Variants in ELSPBP1 observed in about 807,000 individuals in gnomAD.
The protein encoded by ELSPBP1 is epididymal sperm binding protein 1.
Under a neutral mutation model 33.3 loss-of-function variants are expected in ELSPBP1, and 38 were observed. That is an observed-to-expected ratio of 1.14 (90% confidence interval 0.88 to 1.50). The LOEUF (loss-of-function observed/expected upper bound fraction) is 1.50. ELSPBP1 is among the 40% of genes most tolerant of loss of function. The pLI, the probability that ELSPBP1 is intolerant of heterozygous loss-of-function variation, is 0.00. For missense variants in ELSPBP1, 267 were observed against 263.5 expected, an observed-to-expected ratio of 1.01 and a Z score of -0.09; for synonymous variants, 85 against 94.1, an observed-to-expected ratio of 0.90 and a Z score of 0.56.
intron 3 of ELSPBP1, among the ~76,000 whole-genome samples, chr19:48,014,740 T>C (rs1482484987): frequency 6.7e-6 from 1 of 149,880 alleles, no homozygotes; most frequent in Non-Finnish European, 1.5e-5. Context: ...TTACTGTTTT[T>C]AATTTCCACA....
intron 1 of ELSPBP1, among the ~76,000 whole-genome samples, chr19:48,003,886 C>CTTCTATTCTATTCTATTCTATTCTA (rs56297495): frequency 8.8e-6 from 1 of 114,188 alleles, no homozygotes; most frequent in Non-Finnish European, 1.7e-5. Flanking sequence ...CTTCTGGTTG[C>CTTCTATTCTATTCTATTCTATTCTA]TTCTATTCTA....
chr19:48,020,032 A>G (rs1967183341), intron 5 of ELSPBP1, among the ~76,000 whole-genome samples, 155 bp downstream of exon 5: 1 of 152,170 alleles, frequency 6.6e-6, no homozygotes, highest in African/African-American at 2.4e-5. Context: ...CTCACGAATA[A>G]TGTCAATGAT....
chr19:47,998,951 A>C (rs1020286626), intron 1 of ELSPBP1, among the ~76,000 whole-genome samples: 1 of 152,180 alleles, frequency 6.6e-6, no homozygotes, highest in African/African-American at 2.4e-5. Flanking sequence ...GCCCACCCTA[A>C]GGGGAAAAAT....
intron 1 of ELSPBP1, among the ~76,000 whole-genome samples, chr19:48,006,529 G>T (rs943154231): frequency 6.7e-6 from 1 of 149,140 alleles, no homozygotes; most frequent in African/African-American, 2.5e-5. Context: ...CAGGAGAATC[G>T]CTTGAGCCTG....
chr19:48,017,313 C>G (rs1046323824), intron 4 of ELSPBP1, among the ~76,000 whole-genome samples: 4 of 152,156 alleles, frequency 2.6e-5, no homozygotes, highest in Admixed American at 6.5e-5. Flanking sequence ...CTAATTCCAT[C>G]TAAACCTTAA....
chr19:47,998,062 C>T (rs1966927790), intron 1 of ELSPBP1, among the ~76,000 whole-genome samples: 1 of 152,116 alleles, frequency 6.6e-6, no homozygotes, highest in South Asian at 2.1e-4. Flanking sequence ...GCTAGTGTCA[C>T]CATCTTTTCG....
chr19:48,024,273 A>AAAGGTGGTTATTTATTTCTT (rs1967247085), intron 6 of ELSPBP1, among the ~76,000 whole-genome samples: 1 of 152,062 alleles, frequency 6.6e-6, no homozygotes, highest in Admixed American at 6.6e-5. Flanking sequence ...GGGTATTTCT[A>AAAGGTGGTTATTTATTTCTT]AAGGTGGTTA....
At chr19:48,003,149 ATGGGTGTC>A (rs1430663429) in intron 1 of ELSPBP1, among the ~76,000 whole-genome samples, 2 of 152,170 alleles carry the variant, frequency 1.3e-5, no homozygotes, top group Non-Finnish European at 2.9e-5. Flanking sequence ...CAGACGAGAC[ATGGGTGTC>A]TGGCTATTAG....
chr19:48,013,235 A>C (rs1162115595), intron 2 of ELSPBP1, among the ~76,000 whole-genome samples: 1 of 152,196 alleles, frequency 6.6e-6, no homozygotes, highest in Non-Finnish European at 1.5e-5. Context: ...ATGCTCTGAG[A>C]AACAGTGGTC....
intron 5 of ELSPBP1, among the ~76,000 whole-genome samples, chr19:48,020,126 A>T (rs1967184140): frequency 6.6e-6 from 1 of 152,188 alleles, no homozygotes; most frequent in African/African-American, 2.4e-5. Flanking sequence ...CATGATGCAA[A>T]TACAGAGTAA....
intron 1 of ELSPBP1, among the ~76,000 whole-genome samples, chr19:47,997,120 C>T (rs1414432267): frequency 6.6e-6 from 1 of 152,178 alleles, no homozygotes; most frequent in Admixed American, 6.6e-5. Flanking sequence ...TTTTTAATTA[C>T]TGGCATGCCA....
Position 48,019,497 on chromosome 19 carries a change from G to A in ELSPBP1, c.356-222G>A, listed in dbSNP as rs145148368. 2.8e-3 allele frequency among the ~76,000 whole-genome samples: 421 copies of A among 152,276 alleles called. 3 individuals carry two copies. Among genetic ancestry groups the A allele is most frequent in the African/African-American group, 9.0e-3 (375 of 41,550 alleles). Reference sequence around the variant, plus strand: ...TCAAGGTGATGGCGACCGCAGAACCGTGAAGTCGTGTTAATAGAGACAGTA... The same window carrying A: ...TCAAGGTGATGGCGACCGCAGAACCATGAAGTCGTGTTAATAGAGACAGTA... On this transcript the variant is annotated intron_variant, in intron 4 of 6. Transcript: ENST00000339841.
intron 2 of ELSPBP1, among the ~76,000 whole-genome samples, 188 bp downstream of exon 2, chr19:48,008,925 C>T (rs1166224364): frequency 6.6e-6 from 1 of 152,094 alleles, no homozygotes; most frequent in Non-Finnish European, 1.5e-5. Flanking sequence ...CACTTGAGGT[C>T]AGGAGTTCCA....
chr19:47,996,403 G>A (rs1209793854), intron 1 of ELSPBP1, among the ~76,000 whole-genome samples: 1 of 152,106 alleles, frequency 6.6e-6, no homozygotes, highest in Non-Finnish European at 1.5e-5. Context: ...ATGATAAGAG[G>A]ATGGATTCAA....
At chr19:48,022,624 A>AG (rs1389115168) in intron 6 of ELSPBP1, among the ~76,000 whole-genome samples, 2 of 152,200 alleles carry the variant, frequency 1.3e-5, no homozygotes, top group African/African-American at 2.4e-5. Context: ...AGGAGAGCAG[A>AG]GGGGGATTGG....
chr19:48,019,776 A>G lies in ELSPBP1; in HGVS notation c.413A>G (p.Asn138Ser), dbSNP rs144418346. 5.6e-6 allele frequency: 9 copies of G among 1,613,546 alleles called. No homozygotes were observed. The African/African-American group carries it at 1.1e-4, about 19-fold the overall frequency. The change falls in exon 5 of 7, where the codon AAT becomes AGT. Residue 138 changes from asparagine to serine, a missense_variant. Transcript: ENST00000339841. ...PCIFPSIYRN[N>S]VVSDCMEDES... is the part of the protein sequence containing the mutation. ...ATCTTCCCCTCCATCTACAGAAATA[A>G]TGTGGTCTCTGATTGCATGGAGGAT...
At chr19:48,019,599 G>A in intron 4 of ELSPBP1, 120 bp from the exon 5 acceptor site, 1 of 941,840 alleles carries the variant, frequency 1.1e-6, no homozygotes, top group Non-Finnish European at 1.6e-6. Context: ...GAAGTTGCTT[G>A]GAGAATCCAA....
intron 1 of ELSPBP1, among the ~76,000 whole-genome samples, chr19:47,999,075 A>T (rs577890276): frequency 6.6e-6 from 1 of 152,188 alleles, no homozygotes; most frequent in East Asian, 1.9e-4. Context: ...TGTTCCTCAC[A>T]CTGTGTGTGG....
chr19:48,012,285 G>A (rs28688580), intron 2 of ELSPBP1, among the ~76,000 whole-genome samples: 25,367 of 151,798 alleles, frequency 0.17, 2,173 homozygotes, highest in South Asian at 0.23. Context: ...CACCATGCCC[G>A]GCTAATCTTG....
Sources: gnomAD v4.1 joint callset for allele counts (sites outside exome capture counted in the v4.1 genomes callset) on GRCh38, gnomAD v4.1.1 for gene constraint, MANE v1.5 for transcripts, NCBI Gene and HGNC (gene_info 2026-07-23, HGNC 2026-07-21) for gene names.